Variants in MFHAS1 observed in about 807,000 individuals in gnomAD.
The protein encoded by MFHAS1 is multifunctional ROCO family signaling regulator 1.
A neutral mutation model predicts 70.4 loss-of-function variants in MFHAS1; 50 were observed. That is an observed-to-expected ratio of 0.71 (90% CI 0.57 to 0.90). MFHAS1 has a LOEUF of 0.90. MFHAS1 is among the 40% of genes least tolerant of loss of function. MFHAS1 has a pLI of 0.00. For missense variants in MFHAS1, 1,795 were observed against 1,347.6 expected (o/e 1.33, Z -5.20); for synonymous variants, 952 against 620.0 (o/e 1.54, Z -7.96).
chr8:8,892,678 G>A lies in MFHAS1; in HGVS notation c.381C>T (p.Gly127=), dbSNP rs753998279. 9 of 1,581,666 alleles carry A rather than the reference G, an allele frequency of 5.7e-6. No individual in the cohort carries two copies. In the Admixed American group the frequency reaches 7.2e-5, roughly 13 times the overall value. The change falls in exon 1 of 3, where the codon GGC becomes GGT. Residue 127 remains glycine, a synonymous_variant. Coordinates refer to ENST00000276282, the MANE Select transcript of MFHAS1 (RefSeq NM_004225.3). This position sits in a 1 kb window ranked among gnomAD's most constrained non-coding sequence, Gnocchi z 4.7. ...DVSHNRLTAL[G]AEVVSALREL... ...CCCTCAGAGCACTCACCACCTCCGCGCCCAGGGCGGTCAGCCGGTTGTGGC... is the reference window on the plus strand; with the variant it reads ...CCCTCAGAGCACTCACCACCTCCGCACCCAGGGCGGTCAGCCGGTTGTGGC...
At chr8:8,793,819 G>A (rs975977822) in intron 2 of MFHAS1, among the ~76,000 whole-genome samples, 1 of 152,218 alleles carries the variant, frequency 6.6e-6, no homozygotes, top group Non-Finnish European at 1.5e-5. Flanking sequence ...TCATCTGGGT[G>A]GCTTCTTCTG....
At chr8:8,859,833 G>A (rs1808594566) in intron 1 of MFHAS1, among the ~76,000 whole-genome samples, 1 of 152,212 alleles carries the variant, frequency 6.6e-6, no homozygotes, top group African/African-American at 2.4e-5. Context: ...AAAGTTAGAT[G>A]TTCAACTGAA....
rs1805456169 is a variant in MFHAS1, at chr8:8,784,227, C to T, written c.*1795G>A. 6.6e-6 allele frequency: 1 copy of T among 151,964 alleles called. No individual in the cohort carries two copies. The highest frequency in any genetic ancestry group is 1.5e-5 in the Non-Finnish European group (1 of 68,008). The allele number at this position is 151,964 out of a possible 1,614,324, so 9.4% of individuals were successfully genotyped here. On this transcript the variant is annotated 3_prime_UTR_variant, in exon 3 of 3. Transcript: ENST00000276282. ...ATGCCAATTAAAAAATTCTTACTTCCCAACTATTCAATGGTCCAAAAAGCA... is the reference window on the plus strand; with the variant it reads ...ATGCCAATTAAAAAATTCTTACTTCTCAACTATTCAATGGTCCAAAAAGCA...
At chr8:8,798,809 AAGGCTG>A (rs1390281064) in intron 1 of MFHAS1, among the ~76,000 whole-genome samples, 1 of 152,100 alleles carries the variant, frequency 6.6e-6, no homozygotes, top group Admixed American at 6.6e-5. Context: ...AGCAGTTTGG[AAGGCTG>A]AGGCAGGTGG....
chr8:8,797,099 A>C (rs1352553070), intron 2 of MFHAS1, among the ~76,000 whole-genome samples: 2 of 152,046 alleles, frequency 1.3e-5, no homozygotes, highest in East Asian at 3.8e-4. Flanking sequence ...TGGTATGTGA[A>C]TGACATCTCA....
At chr8:8,864,275 G>T (rs1444537408) in intron 1 of MFHAS1, among the ~76,000 whole-genome samples, 1 of 152,132 alleles carries the variant, frequency 6.6e-6, no homozygotes, top group African/African-American at 2.4e-5. Flanking sequence ...GCCATTTTCT[G>T]CCCCTATGCT....
chr8:8,826,244 A>AAG (rs1160159953), intron 1 of MFHAS1, among the ~76,000 whole-genome samples: 6 of 77,982 alleles, frequency 7.7e-5, no homozygotes, highest in African/African-American at 2.3e-4. Context: ...TGCAAACACA[A>AAG]AGAGTGTGTG....
intron 1 of MFHAS1, among the ~76,000 whole-genome samples, chr8:8,824,168 A>G (rs73504207): frequency 0.039 from 5,857 of 151,828 alleles, 229 homozygotes; most frequent in South Asian, 0.15. Context: ...AGAAGAAGCC[A>G]GTAAACAGAC....
intron 1 of MFHAS1, among the ~76,000 whole-genome samples, chr8:8,845,545 A>T (rs1443418358): frequency 6.6e-6 from 1 of 151,920 alleles, no homozygotes. Context: ...CTTTGACAAG[A>T]CCCTCCTGCT....
intron 1 of MFHAS1, among the ~76,000 whole-genome samples, chr8:8,841,203 G>A (rs760567167): frequency 9.2e-5 from 14 of 152,144 alleles, no homozygotes; most frequent in Admixed American, 2.0e-4. Context: ...GGTCGGGCGT[G>A]GTGGCTCACA....
intron 1 of MFHAS1, among the ~76,000 whole-genome samples, chr8:8,842,978 G>T (rs7016846): frequency 6.6e-6 from 1 of 152,138 alleles, no homozygotes; most frequent in Non-Finnish European, 1.5e-5. Context: ...CTAAGAAAGC[G>T]AAAGAGGCCG....
intron 1 of MFHAS1, among the ~76,000 whole-genome samples, chr8:8,823,527 T>C (rs1449040369): frequency 2.0e-5 from 3 of 152,272 alleles, no homozygotes; most frequent in Non-Finnish European, 4.4e-5. Flanking sequence ...GAGCTTTAAA[T>C]AGTCTGTTCC....
Position 8,831,403 on chromosome 8 carries a change from A to C in MFHAS1, c.2999-33912T>G, listed in dbSNP as rs560595241. On this transcript the variant is annotated intron_variant, in intron 1 of 2. Transcript: ENST00000276282. ...AAGTTTGATCGAATAAATCCAACTT[A>C]AAAATACACCTTCTTGTCTACAGCC... 3.5e-4 allele frequency among the ~76,000 whole-genome samples: 54 copies of C among 152,266 alleles called. 1 individual carries two copies. The South Asian group carries it at 0.011, about 30-fold the overall frequency.
chr8:8,842,453 T>C, intron 1 of MFHAS1, among the ~76,000 whole-genome samples: 1 of 152,198 alleles, frequency 6.6e-6, no homozygotes, highest in Non-Finnish European at 1.5e-5. Context: ...CCCAAAGTGC[T>C]GGGATTGTAA....
chr8:8,830,519 T>G lies in MFHAS1; in HGVS notation c.2999-33028A>C, dbSNP rs930984877. Among the ~76,000 whole-genome samples, 8 of 152,172 alleles carry G rather than the reference T, an allele frequency of 5.3e-5. No individual in the cohort carries two copies. The East Asian group carries it at 1.2e-3, about 22-fold the overall frequency. On this transcript the variant is annotated intron_variant, in intron 1 of 2. Transcript: ENST00000276282. ...GACATTAGTGGGGGCTATTCTAGAG[T>G]TCTCTGGACCAATTTTCTAATTTTA... is the stretch of plus-strand genomic sequence containing the variant.
rs1436325411 is a variant in MFHAS1, at chr8:8,892,530, G to A, written c.529C>T (p.Leu177Phe). Reference sequence around the variant, plus strand: ...GTGCGCAGGCGGGAGAGGCAGGAGAGGGAGTCAGGCAGGTGCGCCAGCCGG... The same window carrying A: ...GTGCGCAGGCGGGAGAGGCAGGAGAAGGAGTCAGGCAGGTGCGCCAGCCGG... The part of the protein sequence containing the change: ...FNRLAHLPDS[L>F]SCLSRLRTLD... The change falls in exon 1 of 3, where the codon CTC becomes TTC. Residue 177 changes from leucine (L) to phenylalanine (F), a missense_variant. Leu to Phe is a conservative substitution (Grantham distance 22). Transcript: ENST00000276282. This position sits in a 1 kb window ranked among gnomAD's most constrained non-coding sequence, Gnocchi z 4.7. The A allele has an allele frequency of 1.9e-6, 3 of 1,596,058 alleles. No homozygotes were observed. Among genetic ancestry groups the A allele is most frequent in the Non-Finnish European group, 2.6e-6 (3 of 1,171,662 alleles).
intron 1 of MFHAS1, among the ~76,000 whole-genome samples, chr8:8,889,816 T>C (rs1305202821): frequency 6.6e-6 from 1 of 152,186 alleles, no homozygotes; most frequent in African/African-American, 2.4e-5. Flanking sequence ...ATGGCAAATG[T>C]TGTGACTGGA....
intron 1 of MFHAS1, among the ~76,000 whole-genome samples, chr8:8,840,525 G>C (rs959928483): frequency 1.3e-5 from 2 of 151,182 alleles, no homozygotes; most frequent in African/African-American, 2.4e-5. Context: ...CAAATCTCAA[G>C]GACTTGGCAG....
intron 1 of MFHAS1, among the ~76,000 whole-genome samples, chr8:8,812,117 C>T (rs1806570600): frequency 6.6e-6 from 1 of 152,182 alleles, no homozygotes; most frequent in Admixed American, 6.5e-5. Flanking sequence ...GACTCCAATG[C>T]CAACCTCTTA....
Sources: gnomAD v4.1 joint callset for allele counts (sites outside exome capture counted in the v4.1 genomes callset) on GRCh38, gnomAD v4.1.1 for gene constraint, Gnocchi (gnomAD v3.1) non-coding constraint, MANE v1.5 for transcripts, NCBI Gene and HGNC (gene_info 2026-07-23, HGNC 2026-07-21) for gene names.